Variants in TRAPPC10 observed in about 807,000 individuals in gnomAD.
TRAPPC10 encodes the protein trafficking protein particle complex subunit 10.
TRAPPC10 carries 23 observed loss-of-function variants against 125.5 expected under a neutral mutation model. The observed-to-expected ratio is 0.18, with a 90% CI of 0.13 to 0.26. The LOEUF is 0.26. Ranked by LOEUF, TRAPPC10 falls within the 10% of genes least tolerant of loss-of-function variation. The probability of loss-of-function intolerance (pLI) is 1.00; values close to 1 mark genes in which losing one functional copy is unlikely to be tolerated. For synonymous variants in TRAPPC10, 509 were observed against 518.0 expected (o/e 0.98, Z 0.24); for missense variants, 1,123 against 1,308.4 (o/e 0.86, Z 2.19).
chr21:44,079,485 C>A, intron 11 of TRAPPC10, 79 bp from the exon 12 acceptor site: 2 of 1,501,298 alleles, frequency 1.3e-6, no homozygotes, highest in South Asian at 1.4e-5. Flanking sequence ...AGGATGGAGG[C>A]CAAAGCGGGA....
chr21:44,015,068 CTTAACTTT>C (rs2031663898), intron 1 of TRAPPC10, among the ~76,000 whole-genome samples: 1 of 152,118 alleles, frequency 6.6e-6, no homozygotes, highest in South Asian at 2.1e-4. Flanking sequence ...CTAATTAACC[CTTAACTTT>C]TTAATATTAT....
At chr21:44,079,222 T>A (rs1326191183) in intron 11 of TRAPPC10, among the ~76,000 whole-genome samples, 1 of 152,192 alleles carries the variant, frequency 6.6e-6, no homozygotes, top group Non-Finnish European at 1.5e-5. Flanking sequence ...GCCTTGGCCC[T>A]CTTGCCTGTC....
intron 5 of TRAPPC10, among the ~76,000 whole-genome samples, chr21:44,058,827 C>A (rs1230207940): frequency 6.6e-6 from 1 of 152,224 alleles, no homozygotes; most frequent in East Asian, 1.9e-4. Flanking sequence ...AGGTCCTGGA[C>A]AGCAGGAAAC....
chr21:44,017,291 C>T (rs1373934932), intron 1 of TRAPPC10, among the ~76,000 whole-genome samples: 4 of 152,142 alleles, frequency 2.6e-5, no homozygotes, highest in Admixed American at 6.6e-5. Flanking sequence ...CCATCTTGTA[C>T]GCATGACCTC....
chr21:44,049,365 G>C (rs555732982), intron 3 of TRAPPC10, among the ~76,000 whole-genome samples: 52 of 152,246 alleles, frequency 3.4e-4, no homozygotes, highest in African/African-American at 1.2e-3. Flanking sequence ...GTTTCTGATG[G>C]GAGTAATCCC....
In TRAPPC10 at chr21:44,052,403, A is replaced by C; in HGVS notation, c.409A>C (p.Lys137Gln). ...TGAAAATGATGCCAAGAAAAAAAAC[A>C]AAACCAACATCCTTCCCCGAACCTC... ...IVENDAKKKN[K>Q]TNILPRTSIV... is the part of the protein sequence containing the mutation. Residue 137 changes from lysine (K) to glutamine (Q), a missense_variant, in exon 4 of 23, where the codon AAA (lysine) becomes CAA (glutamine). Transcript: ENST00000291574. 1 of 1,614,094 alleles carries C rather than the reference A, an allele frequency of 6.2e-7. No homozygotes were observed. The highest frequency in any genetic ancestry group is 8.5e-7 in the Non-Finnish European group (1 of 1,180,028).
At chr21:44,076,407 A>G (rs557390712) in intron 9 of TRAPPC10, 145 bp from the exon 10 acceptor site, 12 of 614,954 alleles carry the variant, frequency 2.0e-5, no homozygotes, top group South Asian at 1.8e-4. Flanking sequence ...GTACATAATC[A>G]TGTAGTTTCC....
chr21:44,037,703 T>C lies in TRAPPC10; in HGVS notation c.150-89T>C. 5.5e-6 allele frequency: 8 copies of C among 1,448,626 alleles called. No homozygotes were observed. The East Asian group carries it at 9.1e-5, about 16-fold the overall frequency. 89.7% of individuals were successfully genotyped at this position (1,448,626 alleles called of 1,614,324 possible). A position where few individuals can be genotyped will look rare whatever the true frequency, so the allele number is the denominator to read the frequency against. ...AATATATGTGCTCTGAACTCATGCA[T>C]ACCATTACATTATTTGTTGTTCTAT... On this transcript the variant is annotated intron_variant, in intron 2 of 22. Coordinates refer to ENST00000291574, the MANE Select transcript of TRAPPC10 (RefSeq NM_003274.5).
intron 5 of TRAPPC10, among the ~76,000 whole-genome samples, chr21:44,058,160 A>G (rs1418238652): frequency 6.6e-6 from 1 of 152,132 alleles, no homozygotes; most frequent in Non-Finnish European, 1.5e-5. Context: ...CAAGGCAGAG[A>G]TGGTGTGGGG....
At chr21:44,052,691 CGGGTCTT>C (rs2145839260) in intron 4 of TRAPPC10, among the ~76,000 whole-genome samples, 1 of 151,866 alleles carries the variant, frequency 6.6e-6, no homozygotes, top group East Asian at 1.9e-4. Context: ...CTGGGAGGAG[CGGGTCTT>C]GGGCCCATAG....
intron 1 of TRAPPC10, among the ~76,000 whole-genome samples, chr21:44,027,365 T>C (rs185122231): frequency 6.6e-6 from 1 of 152,320 alleles, no homozygotes; most frequent in Admixed American, 6.5e-5. Context: ...GCTTTGCACG[T>C]TCAAGAATTG....
In TRAPPC10 at chr21:44,086,765, TGGCA is replaced by T. The variant is rs556869544; in HGVS notation, c.2381-35_2381-32del. 714 of 1,607,742 alleles carry T rather than the reference TGGCA, an allele frequency of 4.4e-4. 2 individuals are homozygous for T. Among genetic ancestry groups the T allele is most frequent in the African/African-American group, 1.3e-3 (100 of 74,940 alleles). On this transcript the variant is annotated intron_variant, in intron 15 of 22. Transcript: ENST00000291574. ...GGGCCCTGAGATGCTGTCTTCCGGT[TGGCA>T]GCGGTGCTGAGCCACGATCTCTTTT...
chr21:44,021,133 G>A (rs2032459877), intron 1 of TRAPPC10, among the ~76,000 whole-genome samples: 2 of 152,186 alleles, frequency 1.3e-5, no homozygotes, highest in African/African-American at 2.4e-5. Context: ...CCTATTCTGA[G>A]AACTTGATAC....
chr21:44,012,443 T>G lies in TRAPPC10; in HGVS notation c.-51T>G, dbSNP rs2031204675. 1.6e-6 allele frequency: 2 copies of G among 1,241,518 alleles called. No homozygotes were observed. Among genetic ancestry groups the G allele is most frequent in the Non-Finnish European group, 2.1e-6 (2 of 969,382 alleles). The allele number at this position is 1,241,518 out of a possible 1,614,324, so 76.9% of individuals were successfully genotyped here. On this transcript the variant is annotated 5_prime_UTR_variant, in exon 1 of 23. Coordinates refer to ENST00000291574, the MANE Select transcript of TRAPPC10 (RefSeq NM_003274.5). The stretch of plus-strand genomic sequence containing the variant: ...GGCTCCGGCTGGGCCCGGCGCGGCC[T>G]CGGGGCTGCCCATGGGGCGCGGGGG...
chr21:44,054,852 G>A (rs2035460173), intron 4 of TRAPPC10, among the ~76,000 whole-genome samples: 1 of 152,206 alleles, frequency 6.6e-6, no homozygotes, highest in African/African-American at 2.4e-5. Flanking sequence ...TAGCAGCAGT[G>A]TGGGCAGAGC....
chr21:44,090,540 G>GCGGA (rs2038501915), intron 18 of TRAPPC10, among the ~76,000 whole-genome samples: 1 of 152,220 alleles, frequency 6.6e-6, no homozygotes, highest in South Asian at 2.1e-4. Context: ...TCTGGGTGGG[G>GCGGA]CGGACGTGCC....
chr21:44,065,399 G>A (rs879696911), intron 7 of TRAPPC10, among the ~76,000 whole-genome samples: 3 of 152,126 alleles, frequency 2.0e-5, no homozygotes, highest in Non-Finnish European at 2.9e-5. Context: ...TGTATTTTCC[G>A]AGCCCTTTGC....
chr21:44,027,834 G>A (rs925130539), intron 1 of TRAPPC10, among the ~76,000 whole-genome samples: 1 of 152,084 alleles, frequency 6.6e-6, no homozygotes, highest in African/African-American at 2.4e-5. Flanking sequence ...AGGGATTAGT[G>A]CCCTTATAAA....
chr21:44,084,708 C>G lies in TRAPPC10; in HGVS notation c.2380+445C>G, dbSNP rs141945316. Among the ~76,000 whole-genome samples the G allele has an allele frequency of 3.0e-3, 460 of 152,284 alleles. 5 individuals are homozygous for G. The highest frequency in any genetic ancestry group is 0.01 in the African/African-American group (425 of 41,572). On this transcript the variant is annotated intron_variant, in intron 15 of 22. Transcript: ENST00000291574. ...CGTCAGACACCACAGGGTGAGGGCT[C>G]AGTCCCCAAGACAGTCCCCCCCTTC...
Sources: gnomAD v4.1 joint callset for allele counts (sites outside exome capture counted in the v4.1 genomes callset) on GRCh38, gnomAD v4.1.1 for gene constraint, MANE v1.5 for transcripts, NCBI Gene and HGNC (gene_info 2026-07-23, HGNC 2026-07-21) for gene names.